The following SEMA3D variants were observed in gnomAD, a reference collection of about 807,000 sequenced individuals.
SEMA3D encodes semaphorin-3D.
Under a neutral mutation model 100.1 loss-of-function variants are expected in SEMA3D, and 84 were observed. That is an observed-to-expected ratio of 0.84 (90% CI 0.70 to 1.01). The LOEUF (loss-of-function observed/expected upper bound fraction) is 1.01. Ranked by LOEUF, SEMA3D falls within the 50% of genes least tolerant of loss-of-function variation. SEMA3D has a pLI of 0.00. For synonymous variants in SEMA3D, 312 were observed against 320.7 expected (o/e 0.97, Z 0.29); for missense variants, 875 against 934.1 (o/e 0.94, Z 0.82).
chr7:85,237,347 T>C, the SEMA3D span, among the ~76,000 whole-genome samples: 3 of 152,194 alleles, frequency 2.0e-5, no homozygotes, highest in Non-Finnish European at 2.9e-5. Context: ...GTACATTCTA[T>C]GGATTTAGAT....
At chr7:85,041,187 A>G (rs1790852545) in intron 10 of SEMA3D, 1 of 152,864 alleles carries the variant, frequency 6.5e-6, no homozygotes, top group Non-Finnish European at 1.4e-5. Context: ...CCTCCCTAGT[A>G]TCTAGGATTA....
At chr7:85,142,079 C>T (rs1790067095) in intron 2 of SEMA3D, 1 of 983,758 alleles carries the variant, frequency 1.0e-6, no homozygotes, top group Non-Finnish European at 1.2e-6. Flanking sequence ...GTGAACTATA[C>T]AGAAGTTGGC....
chr7:85,151,211 A>C (rs945830048), intron 2 of SEMA3D, among the ~76,000 whole-genome samples: 1 of 151,960 alleles, frequency 6.6e-6, no homozygotes, highest in Non-Finnish European at 1.5e-5. Flanking sequence ...ACCCTATGTA[A>C]ACCTGAATAG....
chr7:85,113,470 A>T (rs1192966301), intron 3 of SEMA3D, among the ~76,000 whole-genome samples: 1 of 151,866 alleles, frequency 6.6e-6, no homozygotes, highest in African/African-American at 2.4e-5. Context: ...TTTAAGAAAT[A>T]CTTTAAGAAA....
intron 1 of SEMA3D, among the ~76,000 whole-genome samples, chr7:85,174,314 T>C (rs1791166680): frequency 6.6e-6 from 1 of 152,096 alleles, no homozygotes; most frequent in African/African-American, 2.4e-5. Context: ...TTACAGTGCC[T>C]GGCATGCAGC....
At chr7:85,123,663 A>G (rs960145235) in intron 2 of SEMA3D, among the ~76,000 whole-genome samples, 5 of 152,110 alleles carry the variant, frequency 3.3e-5, no homozygotes, top group East Asian at 1.9e-4. Flanking sequence ...TTTCTTCATG[A>G]AATGTTAAAC....
At chr7:85,097,419 A>G (rs548273523) in intron 4 of SEMA3D, among the ~76,000 whole-genome samples, 1 of 152,002 alleles carries the variant, frequency 6.6e-6, no homozygotes, top group South Asian at 2.1e-4. Flanking sequence ...GTGAACTGAA[A>G]GTTAATAAAA....
intron 18 of SEMA3D, among the ~76,000 whole-genome samples, chr7:85,006,308 T>G (rs544198983): frequency 2.6e-5 from 4 of 152,028 alleles, no homozygotes; most frequent in Non-Finnish European, 5.9e-5. Context: ...CTGTGTTCAT[T>G]CCATTATTCA....
the SEMA3D span, among the ~76,000 whole-genome samples, chr7:85,192,738 T>C: frequency 6.6e-6 from 1 of 152,174 alleles, no homozygotes; most frequent in Non-Finnish European, 1.5e-5. Context: ...GGACTTTTAA[T>C]TTCATTTTAA....
At chr7:85,075,394 AC>A (rs1432891409) in intron 5 of SEMA3D, among the ~76,000 whole-genome samples, 1 of 151,782 alleles carries the variant, frequency 6.6e-6, no homozygotes, top group African/African-American at 2.4e-5. Flanking sequence ...AACATTTTAT[AC>A]ACAATGGGGA....
chr7:85,020,358 A>G (rs1265067125), intron 13 of SEMA3D, 37 bp from the exon 14 acceptor site: 8 of 1,484,030 alleles, frequency 5.4e-6, no homozygotes, highest in Non-Finnish European at 7.5e-6. Flanking sequence ...CATTGTTTCT[A>G]TCTCAAAAAT....
the SEMA3D span, among the ~76,000 whole-genome samples, chr7:85,248,146 TA>T: frequency 1.5e-4 from 23 of 151,706 alleles, no homozygotes; most frequent in African/African-American, 2.9e-4. Flanking sequence ...AACAATCTGA[TA>T]ACAAAAAAAG....
intron 17 of SEMA3D, among the ~76,000 whole-genome samples, chr7:85,008,884 C>T (rs966905711): frequency 6.6e-6 from 1 of 151,678 alleles, no homozygotes; most frequent in Non-Finnish European, 1.5e-5. Flanking sequence ...AAATACTATA[C>T]AGAATTACCT....
chr7:85,142,892 T>C, intron 2 of SEMA3D: 1 of 985,142 alleles, frequency 1.0e-6, no homozygotes, highest in Non-Finnish European at 1.2e-6. Context: ...GCCATATCCA[T>C]GAGTTGAAAA....
At chr7:85,145,036 C>T (rs1034460367) in intron 2 of SEMA3D, among the ~76,000 whole-genome samples, 3 of 152,094 alleles carry the variant, frequency 2.0e-5, no homozygotes, top group African/African-American at 4.8e-5. Flanking sequence ...CTTGAAACCT[C>T]ATTAGGAATG....
At chr7:85,127,012 T>C (rs1402650944) in intron 2 of SEMA3D, among the ~76,000 whole-genome samples, 2 of 152,168 alleles carry the variant, frequency 1.3e-5, no homozygotes, top group African/African-American at 4.8e-5. Context: ...AAGTATTTGT[T>C]GAAAGACTAA....
chr7:85,198,457 T>C, the SEMA3D span, among the ~76,000 whole-genome samples: 1 of 152,030 alleles, frequency 6.6e-6, no homozygotes. Context: ...TATTATATAA[T>C]TGAGATTAGC....
chr7:85,128,884 C>CT (rs5885451), intron 2 of SEMA3D, among the ~76,000 whole-genome samples: 52 of 89,490 alleles, frequency 5.8e-4, no homozygotes, highest in South Asian at 2.8e-3. Context: ...TATTTTTTTC[C>CT]TTTTTTTTTT....
At chr7:85,195,296 G>A in the SEMA3D span, among the ~76,000 whole-genome samples, 799 of 152,216 alleles carry the variant, frequency 5.2e-3, 11 homozygotes, top group African/African-American at 0.018. Flanking sequence ...TCTGTAGCTA[G>A]CAGCCTCACA....
Sources: allele counts gnomAD v4.1 joint callset (sites outside exome capture counted in the v4.1 genomes callset), GRCh38; gene constraint gnomAD v4.1.1; transcripts MANE v1.5; gene names NCBI Gene and HGNC (gene_info 2026-07-23, HGNC 2026-07-21).